Variants in PIEZO2 observed in about 807,000 individuals in gnomAD.
The protein encoded by PIEZO2 is piezo type mechanosensitive ion channel component 2, also known as piezo-type mechanosensitive ion channel component 2.
PIEZO2 carries 172 observed loss-of-function variants against 337.3 expected under a neutral mutation model. The ratio of observed to expected loss-of-function variants is 0.51; its 90% CI spans 0.45 to 0.58. The LOEUF (loss-of-function observed/expected upper bound fraction) is 0.58. Among genes scored for constraint, PIEZO2 ranks in the 20% least tolerant of loss-of-function variants. The probability of loss-of-function intolerance (pLI) is 0.00; values close to 1 mark genes in which losing one functional copy is unlikely to be tolerated. For missense variants in PIEZO2, 3,028 were observed against 3,391.3 expected, an observed-to-expected ratio of 0.89 and a Z score of 2.66; for synonymous variants, 1,251 against 1,228.5, an observed-to-expected ratio of 1.02 and a Z score of -0.38.
intron 1 of PIEZO2, among the ~76,000 whole-genome samples, chr18:11,121,622 G>A (rs919691626): frequency 6.6e-6 from 1 of 152,120 alleles, no homozygotes; most frequent in African/African-American, 2.4e-5. Context: ...TGAGGAATTC[G>A]GCTTGCCCAG....
chr18:11,054,049 T>C (rs2037630519), intron 2 of PIEZO2, among the ~76,000 whole-genome samples: 2 of 152,074 alleles, frequency 1.3e-5, no homozygotes, highest in East Asian at 3.9e-4. Context: ...ACAAAAACCG[T>C]AATACCTCAT....
Position 11,054,434 on chromosome 18 carries a change from G to A in PIEZO2, c.160+11693C>T, listed in dbSNP as rs934899776. ...CACAGGACTAGAGTTAGTTTCATACGTTCGTCTAAAATCCTAGACACTGGA... is the reference window on the plus strand; with the variant it reads ...CACAGGACTAGAGTTAGTTTCATACATTCGTCTAAAATCCTAGACACTGGA... On this transcript the variant is annotated intron_variant, in intron 2 of 55. Transcript: ENST00000674853. Among the ~76,000 whole-genome samples the A allele has an allele frequency of 3.3e-5, 5 of 152,148 alleles. No individual in the cohort carries two copies. The East Asian group carries it at 7.7e-4, about 23-fold the overall frequency.
Position 10,794,894 on chromosome 18 carries a change from A to G in PIEZO2, c.1636T>C (p.Phe546Leu). The G allele has an allele frequency of 6.5e-7, 1 of 1,539,918 alleles. No individual in the cohort carries two copies. The highest frequency in any genetic ancestry group is 8.7e-7 in the Non-Finnish European group (1 of 1,146,796). Residue 546 changes from phenylalanine to leucine, a missense_variant, in exon 13 of 56, where the codon TTC (phenylalanine) becomes CTC (leucine). This residue lies in a region of PIEZO2 where 50 missense variants were observed against 88.2 expected (regional missense o/e 0.57). Coordinates refer to ENST00000674853, the MANE Select transcript of PIEZO2 (RefSeq NM_001378183.1). This position sits in a 1 kb window ranked among gnomAD's most constrained non-coding sequence, Gnocchi z 6.6. The part of the protein sequence containing the change: ...RRKYAMISSP[F>L]MVVYGNLLLI... ...AATAGGTTTCCATAAACCACCATGA[A>G]GGGAGAGCTGATCATGGCATATTTT...
chr18:10,916,898 C>T (rs2031020292), intron 3 of PIEZO2, among the ~76,000 whole-genome samples: 1 of 152,184 alleles, frequency 6.6e-6, no homozygotes, highest in Admixed American at 6.5e-5. Flanking sequence ...TCATGTGTCT[C>T]CTGCCTCCTG....
intron 1 of PIEZO2, among the ~76,000 whole-genome samples, chr18:11,076,032 C>G (rs1312619639): frequency 6.6e-6 from 1 of 152,054 alleles, no homozygotes; most frequent in Admixed American, 6.5e-5. Flanking sequence ...GTGAGCCACC[C>G]ACCTCGGCCT....
At chr18:11,020,352 G>A (rs1366740991) in intron 2 of PIEZO2, among the ~76,000 whole-genome samples, 1 of 152,138 alleles carries the variant, frequency 6.6e-6, no homozygotes. Context: ...TTCACAAAAT[G>A]ACTTCCTGCA....
intron 1 of PIEZO2, among the ~76,000 whole-genome samples, chr18:11,134,391 C>A (rs1568403691): frequency 6.6e-6 from 1 of 152,174 alleles, no homozygotes; most frequent in African/African-American, 2.4e-5. Context: ...CCAAAGTCCA[C>A]AAGCACACGT....
intron 48 of PIEZO2, among the ~76,000 whole-genome samples, chr18:10,690,767 A>C (rs750806578): frequency 1.8e-4 from 27 of 152,210 alleles, no homozygotes; most frequent in Non-Finnish European, 3.8e-4. Context: ...ACGTGGGCAC[A>C]CAGGTGATGG....
rs2040824370 is a variant in PIEZO2 at position 10,830,884 on chromosome 18, A to G, written c.918-23610T>C. The stretch of plus-strand genomic sequence containing the variant: ...AAATTTGGTCAAGATCTGAATAGAC[A>G]TGTCTCAAAAGAAGACATACAAATG... On this transcript the variant is annotated intron_variant, in intron 7 of 55. Transcript: ENST00000674853. This position sits in a 1 kb window ranked among gnomAD's most constrained non-coding sequence, Gnocchi z 4.7. Among the ~76,000 whole-genome samples, 1 of 152,264 alleles carries G rather than the reference A, an allele frequency of 6.6e-6. No homozygotes were observed. The highest frequency in any genetic ancestry group is 2.1e-4 in the South Asian group (1 of 4,836).
At chr18:11,008,534 C>G (rs568405451) in intron 2 of PIEZO2, among the ~76,000 whole-genome samples, 26 of 152,210 alleles carry the variant, frequency 1.7e-4, no homozygotes, top group African/African-American at 5.3e-4. Flanking sequence ...TCCACTAGGC[C>G]CACTCTTGTT....
chr18:10,705,840 A>G, intron 40 of PIEZO2, 94 bp from the exon 41 acceptor site: 1 of 1,371,060 alleles, frequency 7.3e-7, no homozygotes, highest in Non-Finnish European at 9.6e-7. Context: ...CAGAACTCCT[A>G]AGGAAATGCC....
intron 7 of PIEZO2, among the ~76,000 whole-genome samples, chr18:10,832,231 ACT>A (rs2040865071): frequency 6.6e-6 from 1 of 152,054 alleles, no homozygotes; most frequent in Non-Finnish European, 1.5e-5. Context: ...ACAGAGTGAG[ACT>A]CTGTCTCAAA....
chr18:10,937,334 C>T (rs183464314), intron 3 of PIEZO2, among the ~76,000 whole-genome samples: 1 of 152,224 alleles, frequency 6.6e-6, no homozygotes, highest in East Asian at 1.9e-4. Flanking sequence ...ACTGGGGCAT[C>T]CTAAACCCTT....
In PIEZO2 at chr18:10,865,332, A is replaced by C. The variant is rs2041977513; in HGVS notation, c.492+5921T>G. ...TAATCCAGATGCTGTGTGCAGCATC[A>C]ATTGGATAGGGTAAGAAGGGAAGCT... On this transcript the variant is annotated intron_variant, in intron 5 of 55. Coordinates refer to ENST00000674853, the MANE Select transcript of PIEZO2 (RefSeq NM_001378183.1). Among the ~76,000 whole-genome samples the C allele has an allele frequency of 2.6e-5, 4 of 152,238 alleles. 1 individual carries two copies. The South Asian group carries it at 8.3e-4, about 32-fold the overall frequency.
At position 11,027,826 on chromosome 18, in the gene PIEZO2, T is replaced by G. The variant is rs2036588911; in HGVS notation, c.160+38301A>C. Among the ~76,000 whole-genome samples the G allele has an allele frequency of 1.1e-5, 1 of 88,172 alleles. No individual in the cohort carries two copies. Among genetic ancestry groups the G allele is most frequent in the Non-Finnish European group, 2.3e-5 (1 of 44,378 alleles). 57.8% of individuals were successfully genotyped at this position (88,172 alleles called of 152,430 possible). A position where few individuals can be genotyped will look rare whatever the true frequency, so the allele number is the denominator to read the frequency against. The stretch of plus-strand genomic sequence containing the variant: ...CAATACTGAAATTTCAGCTTATGAC[T>G]TGGTAAGTGGTTTTTCCATTTGAGA... On this transcript the variant is annotated intron_variant, in intron 2 of 55. Transcript: ENST00000674853. The surrounding 1 kb of genome is among the most constrained non-coding windows in gnomAD (Gnocchi z 4.2).
At position 10,854,794 on chromosome 18, in the gene PIEZO2, G is replaced by T. The variant is rs1209482136; in HGVS notation, c.917+559C>A. Among the ~76,000 whole-genome samples the T allele has an allele frequency of 6.6e-6, 1 of 152,136 alleles. No homozygotes were observed. Among genetic ancestry groups the T allele is most frequent in the Non-Finnish European group, 1.5e-5 (1 of 68,022 alleles). On this transcript the variant is annotated intron_variant, in intron 7 of 55. Transcript: ENST00000674853. The surrounding 1 kb of genome is among the most constrained non-coding windows in gnomAD (Gnocchi z 4.6). ...AGCGGTGTGATCATGGCTCACCGCAGTCTTGACCTCCCAGGCTCAGGTGAC... is the reference window on the plus strand; with the variant it reads ...AGCGGTGTGATCATGGCTCACCGCATTCTTGACCTCCCAGGCTCAGGTGAC...
At chr18:10,757,893 G>A (rs981798448) in intron 27 of PIEZO2, 76 bp downstream of exon 27, 26 of 1,355,918 alleles carry the variant, frequency 1.9e-5, no homozygotes, top group Non-Finnish European at 2.5e-5. Context: ...AAGTATAGCA[G>A]AGAAAGTATA....
At chr18:11,046,459 C>T (rs1455198310) in intron 2 of PIEZO2, among the ~76,000 whole-genome samples, 2 of 152,212 alleles carry the variant, frequency 1.3e-5, no homozygotes, top group East Asian at 3.9e-4. Context: ...TCAATCCTCA[C>T]CTACTGCACA....
chr18:10,996,466 T>A (rs2035323825), intron 2 of PIEZO2, among the ~76,000 whole-genome samples: 1 of 152,216 alleles, frequency 6.6e-6, no homozygotes, highest in Admixed American at 6.5e-5. Context: ...CAAAACATTG[T>A]CGTCACTCCA....
Sources: gnomAD v4.1 joint callset for allele counts (sites outside exome capture counted in the v4.1 genomes callset) on GRCh38, gnomAD v4.1.1 for gene constraint, gnomAD v4.1.1 regional missense constraint, Gnocchi (gnomAD v3.1) non-coding constraint, MANE v1.5 for transcripts, NCBI Gene and HGNC (gene_info 2026-07-23, HGNC 2026-07-21) for gene names.